CHIC1: variants seen among roughly 807,000 people sequenced by gnomAD.
CHIC1 encodes the protein cysteine-rich hydrophobic domain-containing protein 1.
CHIC1 carries 7 observed loss-of-function variants against 18.5 expected under a neutral mutation model. The ratio of observed to expected loss-of-function variants is 0.38; its 90% CI spans 0.22 to 0.71. The LOEUF is 0.71. CHIC1 is among the 30% of genes least tolerant of loss of function. The pLI, the probability that CHIC1 is intolerant of heterozygous loss-of-function variation, is 0.49. For missense variants in CHIC1, 159 were observed against 176.9 expected (o/e 0.90, Z 0.57); for synonymous variants, 77 against 73.5 (o/e 1.05, Z -0.25).
chrX:73,648,531 A>T (rs1256753800), intron 3 of CHIC1, among the ~76,000 whole-genome samples: 1 of 112,048 alleles, frequency 8.9e-6, no homozygotes, highest in African/African-American at 3.2e-5. Context: ...AAATGACCTG[A>T]TGGAGCTGAA....
chrX:73,657,287 C>G (rs185946821), intron 3 of CHIC1, among the ~76,000 whole-genome samples: 3 of 110,074 alleles, frequency 2.7e-5, no homozygotes, highest in African/African-American at 9.9e-5. Context: ...GTCTTGATCC[C>G]CGACCTCATG....
Position 73,605,019 on chromosome X carries a change from T to C in CHIC1, c.507+20447T>C, listed in dbSNP as rs568047155. ...TTGTGTAGATGTCTATTAGTTCTGC[T>C]TGATCTAGAGCTGAGTTCAAGTCTT... On this transcript the variant is annotated intron_variant, in intron 3 of 5. Transcript: ENST00000373502. Among the ~76,000 whole-genome samples the C allele has an allele frequency of 6.2e-4, 67 of 108,043 alleles. 1 individual carries two copies. In the South Asian group the frequency reaches 0.024, roughly 39 times the overall value. 93.8% of individuals were successfully genotyped at this position (108,043 alleles called of 115,157 possible). A position where few individuals can be genotyped will look rare whatever the true frequency, so the allele number is the denominator to read the frequency against.
At chrX:73,575,346 A>G (rs1299245071) in intron 1 of CHIC1, among the ~76,000 whole-genome samples, 1 of 110,059 alleles carries the variant, frequency 9.1e-6, no homozygotes, top group Admixed American at 9.7e-5. Flanking sequence ...TTTAAAGCGT[A>G]AAAGTAATGT....
intron 2 of CHIC1, among the ~76,000 whole-genome samples, chrX:73,582,050 G>C (rs2057530353): frequency 9.2e-6 from 1 of 109,233 alleles, no homozygotes; most frequent in Non-Finnish European, 1.9e-5. Flanking sequence ...CTTTTCTAAG[G>C]CTCCTTATAA....
intron 5 of CHIC1, among the ~76,000 whole-genome samples, chrX:73,680,561 T>C (rs943347895): frequency 3.6e-5 from 4 of 111,750 alleles, no homozygotes; most frequent in Admixed American, 1.9e-4. Flanking sequence ...TTGAAAAATA[T>C]ATAAATCTAA....
intron 3 of CHIC1, among the ~76,000 whole-genome samples, chrX:73,652,985 C>T (rs1348867855): frequency 2.7e-5 from 3 of 111,565 alleles, no homozygotes; most frequent in African/African-American, 9.8e-5. Flanking sequence ...AACCAAAATG[C>T]CCATCAATTT....
At chrX:73,623,136 G>T (rs2057767993) in intron 3 of CHIC1, among the ~76,000 whole-genome samples, 1 of 111,538 alleles carries the variant, frequency 9.0e-6, no homozygotes, top group Non-Finnish European at 1.9e-5. Context: ...GTGTGATGTG[G>T]TGCTGAGAAG....
At chrX:73,668,711 C>G (rs2058016084) in intron 3 of CHIC1, among the ~76,000 whole-genome samples, 1 of 111,809 alleles carries the variant, frequency 8.9e-6, no homozygotes, top group Non-Finnish European at 1.9e-5. Flanking sequence ...TGGCAGTCAG[C>G]CTATTCCTCT....
chrX:73,595,945 A>G (rs1281591386), intron 3 of CHIC1, among the ~76,000 whole-genome samples: 3 of 111,355 alleles, frequency 2.7e-5, no homozygotes, highest in African/African-American at 9.8e-5. Context: ...GCTTTTTTTC[A>G]TATGTTTCTT....
At chrX:73,650,760 G>A (rs1333374852) in intron 3 of CHIC1, among the ~76,000 whole-genome samples, 1 of 105,344 alleles carries the variant, frequency 9.5e-6, no homozygotes, top group African/African-American at 3.5e-5. Context: ...TCTACCAGAA[G>A]TACAAAGAGG....
chrX:73,648,879 A>G (rs762223503), intron 3 of CHIC1, among the ~76,000 whole-genome samples: 3 of 111,307 alleles, frequency 2.7e-5, no homozygotes, highest in Non-Finnish European at 5.6e-5. Flanking sequence ...GAGAAGATCA[A>G]CCCGAAGACA....
At chrX:73,610,488 C>T (rs1039967921) in intron 3 of CHIC1, among the ~76,000 whole-genome samples, 12 of 93,319 alleles carry the variant, frequency 1.3e-4, no homozygotes, top group Non-Finnish European at 2.6e-4. Context: ...TCGGTGGGAG[C>T]TACAGACTGC....
At chrX:73,589,073 A>C (rs1205986561) in intron 3 of CHIC1, among the ~76,000 whole-genome samples, 2 of 108,684 alleles carry the variant, frequency 1.8e-5, no homozygotes, top group African/African-American at 6.6e-5. Flanking sequence ...TTTTTCTGCT[A>C]TGTTTGGGTT....
In CHIC1 at chrX:73,631,397, C is replaced by T. The variant is rs771023953; in HGVS notation, c.507+46825C>T. ...ATCTCAACACTTTGGGAGGCTTAGG[C>T]GGGCAGATCACCTGAGGTTGGGTGT... On this transcript the variant is annotated intron_variant, in intron 3 of 5. Coordinates refer to ENST00000373502, the MANE Select transcript of CHIC1 (RefSeq NM_001039840.4). Among the ~76,000 whole-genome samples the T allele has an allele frequency of 1.3e-4, 14 of 110,200 alleles. No homozygotes were observed. In the South Asian group the frequency reaches 1.6e-3, roughly 12 times the overall value.
chrX:73,681,040 AT>A lies in CHIC1; in HGVS notation c.*38del. On this transcript the variant is annotated 3_prime_UTR_variant, in exon 6 of 6. Coordinates refer to ENST00000373502, the MANE Select transcript of CHIC1 (RefSeq NM_001039840.4). Reference sequence around the variant, plus strand: ...TCCAGTCACTTCTGTGTTACCTGTCATTTCCTACCCTTAGTGCCTTGTAGAT... The same window carrying A: ...TCCAGTCACTTCTGTGTTACCTGTCATTCCTACCCTTAGTGCCTTGTAGAT... 1 of 910,747 alleles carries A rather than the reference AT, an allele frequency of 1.1e-6. No homozygotes were observed. The highest frequency in any genetic ancestry group is 1.5e-6 in the Non-Finnish European group (1 of 648,703). 75.1% of individuals were successfully genotyped at this position (910,747 alleles called of 1,213,427 possible).
At position 73,603,345 on chromosome X, in the gene CHIC1, G is replaced by T. The variant is rs1224097601; in HGVS notation, c.507+18773G>T. 2.8e-5 allele frequency among the ~76,000 whole-genome samples: 3 copies of T among 108,462 alleles called. No individual in the cohort carries two copies. In the Admixed American group the frequency reaches 2.9e-4, roughly 11 times the overall value. 94.2% of individuals were successfully genotyped at this position (108,462 alleles called of 115,157 possible). ...GGAATGCTTGTGATTTTTGCACATT[G>T]ATTTCGTATCCTGAGACCTTGCTGA... is the stretch of plus-strand genomic sequence containing the variant. On this transcript the variant is annotated intron_variant, in intron 3 of 5. Transcript: ENST00000373502.
chrX:73,591,693 A>G (rs2057582744), intron 3 of CHIC1, among the ~76,000 whole-genome samples: 1 of 111,658 alleles, frequency 9.0e-6, no homozygotes. Context: ...TAGGAATTTT[A>G]AGAGTTTGGC....
chrX:73,614,257 A>G (rs1367938614), intron 3 of CHIC1, among the ~76,000 whole-genome samples: 1 of 111,325 alleles, frequency 9.0e-6, no homozygotes, highest in East Asian at 2.8e-4. Flanking sequence ...AGTTTCCTTT[A>G]TAAGTGACAA....
At chrX:73,665,410 A>G (rs2057999634) in intron 3 of CHIC1, among the ~76,000 whole-genome samples, 2 of 111,450 alleles carry the variant, frequency 1.8e-5, no homozygotes, top group Admixed American at 9.5e-5. Context: ...AGAGCTCTAC[A>G]TCTACCATAC....
Sources: allele counts gnomAD v4.1 joint callset (sites outside exome capture counted in the v4.1 genomes callset), GRCh38; gene constraint gnomAD v4.1.1; transcripts MANE v1.5; gene names NCBI Gene and HGNC (gene_info 2026-07-23, HGNC 2026-07-21).